Variants in RFX3 observed in about 807,000 individuals in gnomAD.
RFX3 encodes the protein transcription factor RFX3.
In RFX3, 14 loss-of-function variants were observed where a neutral mutation model predicts 98.6. The observed-to-expected ratio is 0.14, with a 90% CI of 0.09 to 0.22. RFX3 has a LOEUF of 0.22. RFX3 is among the 10% of genes least tolerant of loss of function. The probability of loss-of-function intolerance (pLI) is 1.00; values close to 1 mark genes in which losing one functional copy is unlikely to be tolerated. For synonymous variants in RFX3, 383 were observed against 328.4 expected, an observed-to-expected ratio of 1.17 and a Z score of -1.80; for missense variants, 639 against 926.9, an observed-to-expected ratio of 0.69 and a Z score of 4.03.
intron 15 of RFX3, among the ~76,000 whole-genome samples, chr9:3,230,542 TAAAG>T (rs564470841): frequency 2.6e-4 from 39 of 152,306 alleles, no homozygotes; most frequent in Admixed American, 2.1e-3. Flanking sequence ...TTTCTTGAAT[TAAAG>T]AATATAATCT....
chr9:3,244,330 G>C (rs1820351645), intron 15 of RFX3, among the ~76,000 whole-genome samples: 1 of 152,056 alleles, frequency 6.6e-6, no homozygotes, highest in Non-Finnish European at 1.5e-5. Flanking sequence ...TTGTAACACA[G>C]GTGTAATAAT....
chr9:3,315,664 T>C lies in RFX3; in HGVS notation c.475-14044A>G, dbSNP rs200069289. Among the ~76,000 whole-genome samples the C allele has an allele frequency of 7.4e-4, 113 of 152,060 alleles. 2 individuals are homozygous for C. In the East Asian group the frequency reaches 0.012, roughly 16 times the overall value. Reference sequence around the variant, plus strand: ...AAGAAGAAAAGAGACAAGAATCAGATAGATGCAATAAAAAATGATAAAGGG... The same window carrying C: ...AAGAAGAAAAGAGACAAGAATCAGACAGATGCAATAAAAAATGATAAAGGG... On this transcript the variant is annotated intron_variant, in intron 4 of 16. Coordinates refer to ENST00000617270, the MANE Select transcript of RFX3 (RefSeq NM_001282116.2).
intron 2 of RFX3, among the ~76,000 whole-genome samples, chr9:3,379,791 T>A (rs78388864): frequency 0.027 from 4,060 of 152,312 alleles, 203 homozygotes; most frequent in African/African-American, 0.093. Context: ...AGATCAATAA[T>A]TTGTACTTAT....
At chr9:3,449,623 C>A (rs1846386918) in intron 1 of RFX3, among the ~76,000 whole-genome samples, 1 of 152,082 alleles carries the variant, frequency 6.6e-6, no homozygotes, top group African/African-American at 2.4e-5. Flanking sequence ...ACTGGGGAGG[C>A]CAAGGAGCTC....
chr9:3,307,887 T>A (rs139471154), intron 4 of RFX3, among the ~76,000 whole-genome samples: 44 of 152,322 alleles, frequency 2.9e-4, no homozygotes, highest in Admixed American at 1.0e-3. Flanking sequence ...CCTCTCTTTT[T>A]CCTTTCTCTT....
At chr9:3,466,131 T>C (rs1041358485) in intron 1 of RFX3, among the ~76,000 whole-genome samples, 3 of 152,234 alleles carry the variant, frequency 2.0e-5, no homozygotes, top group African/African-American at 7.2e-5. Flanking sequence ...AAATTTTGTC[T>C]TTTTACTCTG....
At chr9:3,376,654 G>A (rs1051274047) in intron 2 of RFX3, among the ~76,000 whole-genome samples, 36 of 152,038 alleles carry the variant, frequency 2.4e-4, no homozygotes, top group South Asian at 4.1e-4. Flanking sequence ...GAGTGAACAC[G>A]CAACCTACAG....
chr9:3,310,111 T>C (rs1436273189), intron 4 of RFX3, among the ~76,000 whole-genome samples: 1 of 152,214 alleles, frequency 6.6e-6, no homozygotes, highest in East Asian at 1.9e-4. Context: ...TAATCGAGAC[T>C]GGCTGGAGCA....
intron 4 of RFX3, among the ~76,000 whole-genome samples, chr9:3,320,578 A>G (rs1831150572): frequency 6.6e-6 from 1 of 151,512 alleles, no homozygotes; most frequent in African/African-American, 2.4e-5. Context: ...AACAAAAAAA[A>G]AAACTTTAGG....
At chr9:3,469,214 T>C (rs772568155) in intron 1 of RFX3, 6 of 455,548 alleles carry the variant, frequency 1.3e-5, no homozygotes, top group Admixed American at 2.4e-5. Context: ...AGACAGAAAA[T>C]GCATACTGAA....
intron 1 of RFX3, among the ~76,000 whole-genome samples, chr9:3,519,679 G>A (rs1156984569): frequency 6.6e-6 from 1 of 152,086 alleles, no homozygotes; most frequent in Non-Finnish European, 1.5e-5. Flanking sequence ...GAGATTATCT[G>A]AAATCTGACT....
chr9:3,373,447 C>A (rs1202486529), intron 2 of RFX3, among the ~76,000 whole-genome samples: 1 of 152,028 alleles, frequency 6.6e-6, no homozygotes, highest in African/African-American at 2.4e-5. Flanking sequence ...TTCTTTGACA[C>A]CTATGTAGTT....
chr9:3,497,660 G>C (rs1023210386), intron 1 of RFX3, among the ~76,000 whole-genome samples: 1 of 151,826 alleles, frequency 6.6e-6, no homozygotes, highest in Non-Finnish European at 1.5e-5. Context: ...GAATGTGAAA[G>C]AATACACCAC....
At chr9:3,445,339 G>C (rs183795053) in intron 1 of RFX3, among the ~76,000 whole-genome samples, 1 of 151,526 alleles carries the variant, frequency 6.6e-6, no homozygotes, top group Non-Finnish European at 1.5e-5. Context: ...CCACTACTTA[G>C]TGAATATTTA....
chr9:3,246,793 C>T (rs1457529385), intron 15 of RFX3, among the ~76,000 whole-genome samples: 1 of 152,172 alleles, frequency 6.6e-6, no homozygotes, highest in Non-Finnish European at 1.5e-5. Flanking sequence ...CCTGCTTAAT[C>T]TCACACATAT....
chr9:3,517,722 A>G (rs148391182), intron 1 of RFX3, among the ~76,000 whole-genome samples: 1,763 of 152,368 alleles, frequency 0.012, 27 homozygotes, highest in South Asian at 0.032. Flanking sequence ...AGGCCAGTAC[A>G]TAGCCAGGAC....
At chr9:3,258,064 G>A (rs185918462) in intron 13 of RFX3, among the ~76,000 whole-genome samples, 4 of 152,218 alleles carry the variant, frequency 2.6e-5, no homozygotes, top group East Asian at 1.9e-4. Flanking sequence ...CTTTGGTAAC[G>A]TAATATTTGA....
At chr9:3,252,452 C>A (rs1821543755) in intron 14 of RFX3, among the ~76,000 whole-genome samples, 1 of 152,064 alleles carries the variant, frequency 6.6e-6, no homozygotes, top group Non-Finnish European at 1.5e-5. Flanking sequence ...CTAGAAAATT[C>A]TTTCTGAGGA....
chr9:3,363,138 G>C (rs890912520), intron 2 of RFX3, among the ~76,000 whole-genome samples: 23 of 152,210 alleles, frequency 1.5e-4, no homozygotes, highest in African/African-American at 5.3e-4. Context: ...ATTGGGAAAA[G>C]CATTTACTAA....
Sources: gnomAD v4.1 joint callset for allele counts (sites outside exome capture counted in the v4.1 genomes callset) on GRCh38, gnomAD v4.1.1 for gene constraint, MANE v1.5 for transcripts, NCBI Gene and HGNC (gene_info 2026-07-23, HGNC 2026-07-21) for gene names.